ERC2: variants seen among roughly 807,000 people sequenced by gnomAD.
The protein encoded by ERC2 is ELKS/RAB6-interacting/CAST family member 2, also known as ERC protein 2.
A neutral mutation model predicts 114.8 loss-of-function variants in ERC2; 42 were observed. That is an observed-to-expected ratio of 0.37 (90% CI 0.29 to 0.47). The LOEUF (loss-of-function observed/expected upper bound fraction) is 0.47. Ranked by LOEUF, ERC2 falls within the 20% of genes least tolerant of loss-of-function variation. The pLI is 0.99. For synonymous variants in ERC2, 454 were observed against 425.5 expected, an observed-to-expected ratio of 1.07 and a Z score of -0.82; for missense variants, 939 against 1,150.7, an observed-to-expected ratio of 0.82 and a Z score of 2.66.
intron 17 of ERC2, among the ~76,000 whole-genome samples, chr3:55,591,645 A>T (rs2047565): frequency 6.6e-6 from 1 of 151,634 alleles, no homozygotes; most frequent in African/African-American, 2.4e-5. Flanking sequence ...GACCAAGGCC[A>T]AAACCAAACA....
In ERC2 at chr3:56,246,276, G is replaced by A. The variant is rs111939101; in HGVS notation, c.1074+49743C>T. On this transcript the variant is annotated intron_variant, in intron 3 of 17. Coordinates refer to ENST00000288221, the MANE Select transcript of ERC2 (RefSeq NM_015576.3). ...TTAGAGACCAGATAACCGTGTTGTC[G>A]AGGGGCCTGCCCTGTGCATTGTAGG... is the stretch of plus-strand genomic sequence containing the variant. Among the ~76,000 whole-genome samples the A allele has an allele frequency of 2.7e-3, 409 of 151,778 alleles. 1 individual carries two copies. Among genetic ancestry groups the A allele is most frequent in the African/African-American group, 9.4e-3 (388 of 41,366 alleles).
At chr3:55,890,997 G>A (rs1157571858) in intron 13 of ERC2, among the ~76,000 whole-genome samples, 6 of 152,160 alleles carry the variant, frequency 3.9e-5, no homozygotes, top group Non-Finnish European at 7.4e-5. Flanking sequence ...ACATTCTAGA[G>A]AACTGAAAAC....
chr3:56,012,507 C>T (rs1191302034), intron 8 of ERC2, among the ~76,000 whole-genome samples: 1 of 152,074 alleles, frequency 6.6e-6, no homozygotes, highest in Non-Finnish European at 1.5e-5. Flanking sequence ...TGGCATACAA[C>T]AAGCAATTAA....
chr3:55,619,041 T>C (rs1317716959), intron 17 of ERC2, among the ~76,000 whole-genome samples: 5 of 152,136 alleles, frequency 3.3e-5, no homozygotes, highest in Non-Finnish European at 7.4e-5. Context: ...TCCCAACAGG[T>C]GTCTTCTCCA....
intron 17 of ERC2, among the ~76,000 whole-genome samples, chr3:55,579,218 A>G (rs1177683010): frequency 6.6e-6 from 1 of 152,240 alleles, no homozygotes; most frequent in Non-Finnish European, 1.5e-5. Context: ...TGTAAATTCT[A>G]CAAAAGGACA....
intron 2 of ERC2, among the ~76,000 whole-genome samples, chr3:56,326,735 G>A (rs1385654501): frequency 6.6e-6 from 1 of 152,176 alleles, no homozygotes; most frequent in Non-Finnish European, 1.5e-5. Flanking sequence ...CAGCAGAGTT[G>A]GTGGGCTGCT....
chr3:56,392,487 A>G (rs2106854551), intron 2 of ERC2, among the ~76,000 whole-genome samples: 1 of 152,250 alleles, frequency 6.6e-6, no homozygotes, highest in South Asian at 2.1e-4. Flanking sequence ...ATAGGGAGAT[A>G]AAAAAGATTC....
Position 55,691,544 on chromosome 3 carries a change from C to CAAAAAAA in ERC2, c.2848-7692_2848-7686dup, listed in dbSNP as rs748917550. On this transcript the variant is annotated intron_variant, in intron 16 of 17. Coordinates refer to ENST00000288221, the MANE Select transcript of ERC2 (RefSeq NM_015576.3). Reference sequence around the variant, plus strand: ...GGGCCATGACATTAGATTTGCAATGCAAAAAAAAAAAAAAAAAAAAAAAAA... The same window carrying CAAAAAAA: ...GGGCCATGACATTAGATTTGCAATGCAAAAAAAAAAAAAAAAAAAAAAAAAAAAAAAA... Among the ~76,000 whole-genome samples the CAAAAAAA allele has an allele frequency of 4.5e-5, 3 of 67,024 alleles. 1 individual carries two copies. Among genetic ancestry groups the CAAAAAAA allele is most frequent in the African/African-American group, 1.3e-4 (2 of 15,690 alleles). The allele number at this position is 67,024 out of a possible 152,430, so 44.0% of individuals were successfully genotyped here.
intron 17 of ERC2, among the ~76,000 whole-genome samples, chr3:55,582,952 G>C (rs1035897867): frequency 1.3e-5 from 2 of 152,194 alleles, no homozygotes; most frequent in Admixed American, 6.5e-5. Context: ...CTTTATGCAG[G>C]TTACTTAACC....
At chr3:56,138,041 A>AATGGTATTTCTT (rs2080615793) in intron 6 of ERC2, among the ~76,000 whole-genome samples, 2 of 151,762 alleles carry the variant, frequency 1.3e-5, no homozygotes, top group Non-Finnish European at 2.9e-5. Context: ...CACAACTGAA[A>AATGGTATTTCTT]ATGGTATTTC....
At chr3:56,337,838 A>T (rs1173699634) in intron 2 of ERC2, among the ~76,000 whole-genome samples, 2 of 152,252 alleles carry the variant, frequency 1.3e-5, no homozygotes, top group African/African-American at 4.8e-5. Context: ...CAAAAACTGG[A>T]GACAACCCAA....
chr3:55,777,133 C>T (rs2068686031), intron 14 of ERC2, among the ~76,000 whole-genome samples: 2 of 152,142 alleles, frequency 1.3e-5, no homozygotes, highest in African/African-American at 2.4e-5. Flanking sequence ...TATGATTTCT[C>T]CTCAGGGACA....
intron 14 of ERC2, among the ~76,000 whole-genome samples, chr3:55,763,144 G>A (rs1211181256): frequency 6.6e-6 from 1 of 152,212 alleles, no homozygotes; most frequent in African/African-American, 2.4e-5. Context: ...GAAAGCACTG[G>A]CAAATGCTCA....
chr3:55,935,588 C>CAT (rs2066389104), intron 13 of ERC2, among the ~76,000 whole-genome samples: 1 of 152,184 alleles, frequency 6.6e-6, no homozygotes, highest in African/African-American at 2.4e-5. Context: ...AGTATGGCTT[C>CAT]ACTTAGAGAA....
chr3:55,829,583 C>T (rs565675731), intron 14 of ERC2, among the ~76,000 whole-genome samples: 5 of 152,246 alleles, frequency 3.3e-5, no homozygotes, highest in South Asian at 2.1e-4. Context: ...TGCATAATTA[C>T]GTCTTACTGA....
chr3:55,875,723 C>A (rs112685968), intron 14 of ERC2, among the ~76,000 whole-genome samples: 1 of 142,786 alleles, frequency 7.0e-6, no homozygotes, highest in East Asian at 1.9e-4. Flanking sequence ...CACACACACA[C>A]ACTCTCTCTC....
intron 3 of ERC2, among the ~76,000 whole-genome samples, chr3:56,293,978 G>C (rs989975956): frequency 6.6e-6 from 1 of 152,258 alleles, no homozygotes; most frequent in African/African-American, 2.4e-5. Context: ...TGCTGCAGAT[G>C]GAGATTTCTC....
At chr3:56,349,035 C>G (rs73832600) in intron 2 of ERC2, among the ~76,000 whole-genome samples, 2,979 of 150,542 alleles carry the variant, frequency 0.02, 105 homozygotes, top group African/African-American at 0.066. Context: ...TGATTTAAAC[C>G]CTCAAAAAAT....
At chr3:56,162,093 AG>A (rs1415795908) in intron 4 of ERC2, among the ~76,000 whole-genome samples, 4 of 152,164 alleles carry the variant, frequency 2.6e-5, no homozygotes, top group East Asian at 3.8e-4. Flanking sequence ...TTTATCATGA[AG>A]GGATGTTGGA....
Sources: allele counts gnomAD v4.1 joint callset (sites outside exome capture counted in the v4.1 genomes callset), GRCh38; gene constraint gnomAD v4.1.1; transcripts MANE v1.5; gene names NCBI Gene and HGNC (gene_info 2026-07-23, HGNC 2026-07-21).